The following DAPK2 variants were observed in gnomAD, a reference collection of about 807,000 sequenced individuals.
DAPK2 encodes the protein death associated protein kinase 2.
A neutral mutation model predicts 44.1 loss-of-function variants in DAPK2; 35 were observed. The ratio of observed to expected loss-of-function variants is 0.79; its 90% CI spans 0.61 to 1.05. DAPK2 has a LOEUF of 1.05. DAPK2 is among the 50% of genes least tolerant of loss of function. DAPK2 has a pLI of 0.00. For missense variants in DAPK2, 453 were observed against 483.2 expected (o/e 0.94, Z 0.59); for synonymous variants, 174 against 182.6 (o/e 0.95, Z 0.38).
rs5813263 is a variant in DAPK2 at position 63,917,363 on chromosome 15, C to CA, written c.859-5167dup. On this transcript the variant is annotated intron_variant, in intron 8 of 10. Coordinates refer to ENST00000261891, the Ensembl canonical transcript of DAPK2. This position sits in a 1 kb window ranked among gnomAD's most constrained non-coding sequence, Gnocchi z 4.4. The stretch of plus-strand genomic sequence containing the variant: ...GGGCAACGAGAGTGAAACTCTGTCT[C>CA]AAAAAAAAAAAAAGAAAAAAAGAAG... The CA allele has an allele frequency of 0.54, 72,563 of 135,232 alleles. 19,252 individuals are homozygous for CA. The highest frequency in any genetic ancestry group is 0.94 in the East Asian group (4,620 of 4,924). 8.4% of individuals were successfully genotyped at this position (135,232 alleles called of 1,614,324 possible). A position where few individuals can be genotyped will look rare whatever the true frequency, so the allele number is the denominator to read the frequency against.
At chr15:63,989,107 G>C (rs1466940868) in intron 1 of DAPK2, among the ~76,000 whole-genome samples, 1 of 149,950 alleles carries the variant, frequency 6.7e-6, no homozygotes, top group Admixed American at 6.7e-5. Context: ...TTGAACTCAG[G>C]AGGCAGAGGT....
At chr15:63,964,952 C>A (rs991101587) in intron 3 of DAPK2, among the ~76,000 whole-genome samples, 4 of 152,082 alleles carry the variant, frequency 2.6e-5, no homozygotes, top group South Asian at 2.1e-4. Context: ...GTCCCTGGTG[C>A]CTTATTTAGT....
intron 3 of DAPK2, among the ~76,000 whole-genome samples, chr15:63,958,848 G>T (rs1185319888): frequency 6.6e-6 from 1 of 152,098 alleles, no homozygotes; most frequent in Non-Finnish European, 1.5e-5. Context: ...GTCTTTTTTG[G>T]TTCCATATGA....
At chr15:63,928,996 T>A (rs1328575099) in intron 6 of DAPK2, among the ~76,000 whole-genome samples, 2 of 151,046 alleles carry the variant, frequency 1.3e-5, no homozygotes, top group African/African-American at 2.4e-5. Flanking sequence ...AGGTTAGGAG[T>A]TCAAGACCAG....
intron 1 of DAPK2, among the ~76,000 whole-genome samples, chr15:64,034,211 C>A (rs1595919370): frequency 1.8e-4 from 1 of 5,440 alleles, no homozygotes; most frequent in Non-Finnish European, 6.9e-4. Context: ...GGCTATTGAA[C>A]CAGCCTGGGT....
chr15:63,943,204 G>A (rs1044033282), intron 3 of DAPK2, among the ~76,000 whole-genome samples: 17 of 151,556 alleles, frequency 1.1e-4, no homozygotes, highest in African/African-American at 4.1e-4. Context: ...CAGGAGGATT[G>A]CTTAAGCCCA....
chr15:64,028,704 T>G (rs537105996), intron 1 of DAPK2, among the ~76,000 whole-genome samples: 1 of 152,260 alleles, frequency 6.6e-6, no homozygotes. Context: ...GCATAATGTC[T>G]GCAACCTATT....
Position 63,923,454 on chromosome 15 carries a change from G to A in DAPK2, c.858+1362C>T. On this transcript the variant is annotated intron_variant, in intron 8 of 10. Transcript: ENST00000261891. The surrounding 1 kb of genome is among the most constrained non-coding windows in gnomAD (Gnocchi z 4.2). ...AAGCGGCCTCTGGCATTCACTGCAT[G>A]CGTCAGGCCATGGGGAGAACCAGGG... 1 of 1,461,462 alleles carries A rather than the reference G, an allele frequency of 6.8e-7. No individual in the cohort carries two copies. Among genetic ancestry groups the A allele is most frequent in the Non-Finnish European group, 9.0e-7 (1 of 1,110,546 alleles). 90.5% of individuals were successfully genotyped at this position (1,461,462 alleles called of 1,614,324 possible). A position where few individuals can be genotyped will look rare whatever the true frequency, so the allele number is the denominator to read the frequency against.
At position 63,939,093 on chromosome 15, in the gene DAPK2, C is replaced by A; in HGVS notation, c.583+139G>T. ...AGGCCCAATAAGACATTTCCTTCCC[C>A]ACCCATTAGGTTTCTAGAGATGTCC... On this transcript the variant is annotated intron_variant, in intron 4 of 10. Coordinates refer to ENST00000261891, the Ensembl canonical transcript of DAPK2. The surrounding 1 kb of genome is among the most constrained non-coding windows in gnomAD (Gnocchi z 4.3). 7.0e-7 allele frequency: 1 copy of A among 1,438,536 alleles called. No individual in the cohort carries two copies. The highest frequency in any genetic ancestry group is 1.4e-5 in the South Asian group (1 of 71,702). The allele number at this position is 1,438,536 out of a possible 1,614,324, so 89.1% of individuals were successfully genotyped here.
At chr15:64,040,341 G>T, upstream of DAPK2, 1 of 1,135,194 alleles carries the variant, frequency 8.8e-7, no homozygotes, top group Non-Finnish European at 1.3e-6. Context: ...AGGCCTAAAC[G>T]TAATTGGCTG....
At chr15:63,936,454 T>C (rs2077152416) in intron 4 of DAPK2, among the ~76,000 whole-genome samples, 1 of 151,952 alleles carries the variant, frequency 6.6e-6, no homozygotes, top group South Asian at 2.1e-4. Context: ...CTACTAAAAA[T>C]ACAAAAATTA....
At chr15:63,969,970 CT>C (rs1403204106) in intron 3 of DAPK2, among the ~76,000 whole-genome samples, 1 of 152,128 alleles carries the variant, frequency 6.6e-6, no homozygotes, top group Non-Finnish European at 1.5e-5. Flanking sequence ...CTGTCCCCTC[CT>C]TCATCTCTAC....
intron 3 of DAPK2, among the ~76,000 whole-genome samples, chr15:63,962,076 C>T (rs945075220): frequency 3.9e-5 from 6 of 152,156 alleles, no homozygotes; most frequent in African/African-American, 1.2e-4. Context: ...TCTCTTCTCA[C>T]TTCATTTCAT....
intron 3 of DAPK2, among the ~76,000 whole-genome samples, chr15:63,942,592 C>CA (rs1197951107): frequency 2.0e-5 from 3 of 151,180 alleles, no homozygotes; most frequent in South Asian, 2.1e-4. Context: ...AAAAAACAAA[C>CA]AAAAAAAAGA....
intron 3 of DAPK2, among the ~76,000 whole-genome samples, chr15:63,963,692 G>C (rs1345316751): frequency 1.3e-5 from 2 of 151,738 alleles, no homozygotes; most frequent in African/African-American, 4.8e-5. Flanking sequence ...TTAATTTCTT[G>C]CTTTTTATTT....
chr15:64,033,694 G>A (rs918072364), intron 1 of DAPK2, among the ~76,000 whole-genome samples: 1 of 152,030 alleles, frequency 6.6e-6, no homozygotes, highest in African/African-American at 2.4e-5. Context: ...GGATCACGAG[G>A]TCAGGAGATG....
chr15:63,922,553 G>T, intron 8 of DAPK2: 1 of 1,393,456 alleles, frequency 7.2e-7, no homozygotes, highest in Non-Finnish European at 9.3e-7. Flanking sequence ...GATTGGTGAG[G>T]GGAGGTGCAG....
chr15:63,914,651 G>T (rs1396106278), intron 8 of DAPK2, among the ~76,000 whole-genome samples: 1 of 152,086 alleles, frequency 6.6e-6, no homozygotes, highest in African/African-American at 2.4e-5. Context: ...GACCCTCAAG[G>T]CCTGTACCCT....
At chr15:63,931,477 G>C (rs938646274) in intron 4 of DAPK2, among the ~76,000 whole-genome samples, 2 of 152,202 alleles carry the variant, frequency 1.3e-5, no homozygotes, top group Non-Finnish European at 2.9e-5. Context: ...GTAAAGACCA[G>C]TCATGTCAGT....
Sources: allele counts gnomAD v4.1 joint callset (sites outside exome capture counted in the v4.1 genomes callset), GRCh38; gene constraint gnomAD v4.1.1; non-coding constraint Gnocchi (gnomAD v3.1); transcripts MANE v1.5; gene names NCBI Gene and HGNC (gene_info 2026-07-23, HGNC 2026-07-21).